The following PRMT2 variants were observed in gnomAD, a reference collection of about 807,000 sequenced individuals.
PRMT2 encodes the protein protein arginine methyltransferase 2.
A neutral mutation model predicts 57.6 loss-of-function variants in PRMT2; 26 were observed. That is an observed-to-expected ratio of 0.45 (90% CI 0.33 to 0.63). The LOEUF (loss-of-function observed/expected upper bound fraction) is 0.63. PRMT2 is among the 20% of genes least tolerant of loss of function. The pLI is 0.02. For missense variants in PRMT2, 472 were observed against 564.4 expected (o/e 0.84, Z 1.66); for synonymous variants, 219 against 220.0 (o/e 1.00, Z 0.04).
intron 10 of PRMT2, among the ~76,000 whole-genome samples, chr21:46,662,442 G>A (rs1016596561): frequency 6.6e-6 from 1 of 152,198 alleles, no homozygotes; most frequent in African/African-American, 2.4e-5. Context: ...ACTTCCCAGC[G>A]TGGTGGCCCC....
At chr21:46,661,022 C>T (rs754546268) in intron 9 of PRMT2, 60 bp downstream of exon 9, 1 of 1,537,176 alleles carries the variant, frequency 6.5e-7, no homozygotes, top group Non-Finnish European at 8.8e-7. Flanking sequence ...AACACTCAGA[C>T]CAGAGCCTGG....
intron 3 of PRMT2, among the ~76,000 whole-genome samples, chr21:46,640,533 C>G (rs2061254099): frequency 6.6e-6 from 1 of 150,722 alleles, no homozygotes; most frequent in Non-Finnish European, 1.5e-5. Context: ...GCTCCGCCTC[C>G]TGGGTTCACA....
chr21:46,658,982 GT>G, intron 8 of PRMT2, 62 bp downstream of exon 8: 1 of 1,565,182 alleles, frequency 6.4e-7, no homozygotes, highest in East Asian at 2.3e-5. Flanking sequence ...CAGTCTGCAG[GT>G]GGGCCAAGGC....
rs770043052 is a variant in PRMT2 at position 46,644,455 on chromosome 21, G to A, written c.294G>A (p.Gln98=). 1.3e-6 allele frequency: 2 copies of A among 1,592,886 alleles called. No homozygotes were observed. The highest frequency in any genetic ancestry group is 2.7e-5 in the African/African-American group (2 of 73,734). Residue 98 remains glutamine (Q), a synonymous_variant, in exon 5 of 12, where the codon CAG becomes CAA. Coordinates refer to ENST00000355680, the MANE Select transcript of PRMT2 (RefSeq NM_206962.4). ...AGTACGACCCCGAGGACACGTGGCA[G>A]GATGAAGAGTACTTCGGCAGCTATG... ...VDEYDPEDTW[Q]DEEYFGSYGT... is the part of the protein sequence containing the mutation.
At chr21:46,637,958 T>G (rs1049055197) in intron 3 of PRMT2, among the ~76,000 whole-genome samples, 1 of 151,820 alleles carries the variant, frequency 6.6e-6, no homozygotes, top group Admixed American at 6.6e-5. Context: ...AACTGAGACT[T>G]CATCTCTTAA....
At position 46,649,983 on chromosome 21, in the gene PRMT2, A is replaced by T; in HGVS notation, c.654+244A>T. ...CATGTAACATTTTCATGAGTGATTT[A>T]CATGAACTGTGTTCTCCTCGGGGAT... On this transcript the variant is annotated intron_variant, in intron 7 of 11. Coordinates refer to ENST00000355680, the MANE Select transcript of PRMT2 (RefSeq NM_206962.4). This position sits in a 1 kb window ranked among gnomAD's most constrained non-coding sequence, Gnocchi z 4.8. 1 of 1,428,104 alleles carries T rather than the reference A, an allele frequency of 7.0e-7. No individual in the cohort carries two copies. The highest frequency in any genetic ancestry group is 9.2e-7 in the Non-Finnish European group (1 of 1,088,302). The allele number at this position is 1,428,104 out of a possible 1,614,324, so 88.5% of individuals were successfully genotyped here. A position where few individuals can be genotyped will look rare whatever the true frequency, so the allele number is the denominator to read the frequency against.
At chr21:46,656,533 A>G (rs757311483) in intron 7 of PRMT2, among the ~76,000 whole-genome samples, 8 of 152,194 alleles carry the variant, frequency 5.3e-5, no homozygotes, top group East Asian at 1.9e-4. Context: ...TTCTACAAAT[A>G]TGGTCAATGG....
intron 7 of PRMT2, chr21:46,652,546 G>A: frequency 1.0e-5 from 10 of 985,428 alleles, no homozygotes; most frequent in Non-Finnish European, 1.2e-5. Flanking sequence ...TAATAGTTTT[G>A]ACCTGGGAAG....
chr21:46,640,461 A>C (rs1303387019), intron 3 of PRMT2, among the ~76,000 whole-genome samples: 1 of 87,976 alleles, frequency 1.1e-5, no homozygotes, highest in Non-Finnish European at 2.1e-5. Flanking sequence ...TTTTTTTTTG[A>C]GACGGAGTCT....
intron 5 of PRMT2, among the ~76,000 whole-genome samples, chr21:46,645,338 TG>T (rs2061347973): frequency 5.0e-3 from 1 of 200 alleles, no homozygotes; most frequent in Non-Finnish European, 0.013. Flanking sequence ...TGGTGGCTCA[TG>T]CCTGTAATCA....
rs1191971484 is a variant in PRMT2 at position 46,648,432 on chromosome 21, T to G, written c.328-26T>G. The G allele has an allele frequency of 1.2e-6, 2 of 1,612,018 alleles. No homozygotes were observed. The highest frequency in any genetic ancestry group is 2.2e-5 in the South Asian group (2 of 90,896). On this transcript the variant is annotated intron_variant, in intron 5 of 11. Coordinates refer to ENST00000355680, the MANE Select transcript of PRMT2 (RefSeq NM_206962.4). This position sits in a 1 kb window ranked among gnomAD's most constrained non-coding sequence, Gnocchi z 4.8. ...CAGCATGGCTCTAGGTCACAGGCAG[T>G]GATTCTGAATGTGCATTTCTTCCAG...
intron 7 of PRMT2, chr21:46,653,638 A>G (rs2061495622): frequency 1.6e-6 from 2 of 1,219,052 alleles, no homozygotes; most frequent in South Asian, 3.1e-5. Context: ...ATGCCTTGAT[A>G]TTTCTTTTTG....
At chr21:46,641,553 G>A (rs534680850) in intron 3 of PRMT2, among the ~76,000 whole-genome samples, 6 of 152,224 alleles carry the variant, frequency 3.9e-5, no homozygotes, top group African/African-American at 1.2e-4. Flanking sequence ...TTAGCCGGGC[G>A]TAGTGACACA....
chr21:46,659,378 C>G (rs2061587044), intron 8 of PRMT2: 1 of 986,410 alleles, frequency 1.0e-6, no homozygotes, highest in Non-Finnish European at 1.2e-6. Context: ...ATCTGGCAGT[C>G]TATGTGGCAG....
At chr21:46,637,043 C>T (rs555736006) in intron 3 of PRMT2, 53 bp downstream of exon 3, 11 of 1,585,134 alleles carry the variant, frequency 6.9e-6, no homozygotes, top group African/African-American at 6.7e-5. Flanking sequence ...GTGAGCATTA[C>T]AGAGAGCTAA....
At chr21:46,640,446 T>TC (rs2148963488) in intron 3 of PRMT2, among the ~76,000 whole-genome samples, 1 of 148,494 alleles carries the variant, frequency 6.7e-6, no homozygotes, top group East Asian at 1.9e-4. Flanking sequence ...ACATTTTTTT[T>TC]TTTTTTTTTT....
Position 46,663,386 on chromosome 21 carries a change from C to G in PRMT2, c.1101C>G (p.Thr367=). Residue 367 remains threonine (T), a synonymous_variant, in exon 11 of 12, where the codon ACC becomes ACG. Transcript: ENST00000355680. ...CACACGCACCCCTGTCTTGCAGCAC[C>G]ACACACTGGAAGCAGACGCTGTTCA... ...QVLSTGPFHP[T]THWKQTLFMM... 1.2e-6 allele frequency: 2 copies of G among 1,611,476 alleles called. No homozygotes were observed. The highest frequency in any genetic ancestry group is 1.7e-6 in the Non-Finnish European group (2 of 1,178,082).
chr21:46,658,968 T>C, intron 8 of PRMT2, 48 bp downstream of exon 8: 1 of 1,582,694 alleles, frequency 6.3e-7, no homozygotes, highest in Non-Finnish European at 8.6e-7. Flanking sequence ...GGCCTCCTGG[T>C]CCACAGTCTG....
intron 7 of PRMT2, chr21:46,653,777 G>A: frequency 1.8e-6 from 2 of 1,111,716 alleles, no homozygotes; most frequent in Non-Finnish European, 1.1e-6. Flanking sequence ...CTCATACAAA[G>A]TACAGAGACA....
Sources: allele counts gnomAD v4.1 joint callset (sites outside exome capture counted in the v4.1 genomes callset), GRCh38; gene constraint gnomAD v4.1.1; non-coding constraint Gnocchi (gnomAD v3.1); transcripts MANE v1.5; gene names NCBI Gene and HGNC (gene_info 2026-07-23, HGNC 2026-07-21).